Variants in FHOD3 observed in about 807,000 individuals in gnomAD.
FHOD3 encodes the protein formin homology 2 domain containing 3.
FHOD3 carries 90 observed loss-of-function variants against 173.0 expected under a neutral mutation model. That is an observed-to-expected ratio of 0.52 (90% CI 0.44 to 0.62). The LOEUF is 0.62. Ranked by LOEUF, FHOD3 falls within the 20% of genes least tolerant of loss-of-function variation. The pLI is 0.00. For missense variants in FHOD3, 1,945 were observed against 2,034.7 expected, an observed-to-expected ratio of 0.96 and a Z score of 0.85; for synonymous variants, 828 against 823.0, an observed-to-expected ratio of 1.01 and a Z score of -0.10.
At chr18:36,350,261 A>G (rs1413122016) in intron 1 of FHOD3, among the ~76,000 whole-genome samples, 1 of 152,144 alleles carries the variant, frequency 6.6e-6, no homozygotes, top group East Asian at 1.9e-4. Flanking sequence ...TTAGAAGGAC[A>G]CTTACTGTGG....
At chr18:36,614,262 TGTG>T (rs1412359202) in intron 9 of FHOD3, among the ~76,000 whole-genome samples, 1 of 152,206 alleles carries the variant, frequency 6.6e-6, no homozygotes, top group African/African-American at 2.4e-5. Context: ...CCATACAAAA[TGTG>T]GTCTTTGTGG....
rs138585180 is a variant in FHOD3, at chr18:36,693,245, C to G, written c.2058C>G (p.His686Gln). 1.9e-6 allele frequency: 3 copies of G among 1,613,630 alleles called. No individual in the cohort carries two copies. Among genetic ancestry groups the G allele is most frequent in the African/African-American group, 1.3e-5 (1 of 74,908 alleles). The change falls in exon 17 of 29, where the codon CAC (histidine) becomes CAG (glutamine). Residue 686 changes from histidine (H) to glutamine (Q), a missense_variant. Physicochemically the swap from His to Gln is conservative, Grantham distance 24 (BLOSUM62 0). Transcript: ENST00000590592. ...KYLEQLAAEEHEKELRSRSVS... is the reference protein window; with the variant it reads ...KYLEQLAAEEQEKELRSRSVS... ...TGGAACAGTTGGCAGCTGAGGAGCA[C>G]GAGAAGGAGCTGAGAAGCCGGAGTG...
intron 7 of FHOD3, among the ~76,000 whole-genome samples, chr18:36,596,186 G>A (rs1320669604): frequency 6.6e-6 from 1 of 151,880 alleles, no homozygotes; most frequent in Admixed American, 6.6e-5. Flanking sequence ...ACGGAGTCTT[G>A]CTCCGTCGCC....
intron 3 of FHOD3, among the ~76,000 whole-genome samples, chr18:36,446,031 G>GGCCCCTC (rs1177254206): frequency 6.6e-6 from 1 of 152,202 alleles, no homozygotes; most frequent in Non-Finnish European, 1.5e-5. Context: ...CCTGGCCCCT[G>GGCCCCTC]TCCTGGGTTA....
chr18:36,693,202 CT>C lies in FHOD3; in HGVS notation c.2022-4del. 6.2e-7 allele frequency: 1 copy of C among 1,610,934 alleles called. No homozygotes were observed. Among genetic ancestry groups the C allele is most frequent in the Non-Finnish European group, 8.5e-7 (1 of 1,178,660 alleles). ...TTGACGGAAACCCTTTGGAATTTAA[CT>C]TTCAGATACAAATACTTGGAACAGT... On this transcript the variant is annotated splice_region_variant and splice_polypyrimidine_tract_variant and intron_variant, in intron 16 of 28. Coordinates refer to ENST00000590592, the MANE Select transcript of FHOD3 (RefSeq NM_001281740.3).
At chr18:36,304,063 A>G (rs1218126933) in intron 1 of FHOD3, among the ~76,000 whole-genome samples, 2 of 152,212 alleles carry the variant, frequency 1.3e-5, no homozygotes, top group African/African-American at 2.4e-5. Context: ...ATGAAAAGAG[A>G]TTAAAGAGAT....
In FHOD3 at chr18:36,318,783, G is replaced by T. The variant is rs149174534; in HGVS notation, c.165+20783G>T. Among the ~76,000 whole-genome samples the T allele has an allele frequency of 8.4e-3, 1,275 of 152,278 alleles. 17 individuals carry two copies. Among genetic ancestry groups the T allele is most frequent in the African/African-American group, 0.029 (1,224 of 41,552 alleles). On this transcript the variant is annotated intron_variant, in intron 1 of 28. Transcript: ENST00000590592. Reference sequence around the variant, plus strand: ...TGTTGAATAGGAGTGGTGAGAGAGGGCATCCTTGTCTTGTGCCAGTTTTCA... The same window carrying T: ...TGTTGAATAGGAGTGGTGAGAGAGGTCATCCTTGTCTTGTGCCAGTTTTCA...
intron 24 of FHOD3, 85 bp from the exon 25 acceptor site, chr18:36,755,034 A>G: frequency 2.0e-6 from 1 of 502,392 alleles, no homozygotes; most frequent in Non-Finnish European, 3.2e-6. Context: ...AAGTTCTCAC[A>G]TTGGTTTCTT....
intron 28 of FHOD3, among the ~76,000 whole-genome samples, chr18:36,776,941 G>A (rs1475464077): frequency 6.6e-6 from 1 of 152,178 alleles, no homozygotes; most frequent in Non-Finnish European, 1.5e-5. Context: ...AGGTGACCGG[G>A]CCCTTATTCG....
At chr18:36,753,242 C>A (rs1468146227) in intron 24 of FHOD3, among the ~76,000 whole-genome samples, 4 of 152,230 alleles carry the variant, frequency 2.6e-5, no homozygotes, top group African/African-American at 7.2e-5. Context: ...GCTCTCAGTT[C>A]CTTGGCCTCT....
chr18:36,696,436 C>T (rs1011334274), intron 17 of FHOD3, among the ~76,000 whole-genome samples: 2 of 150,994 alleles, frequency 1.3e-5, no homozygotes, highest in Middle Eastern at 3.2e-3. Flanking sequence ...TTTTATAACT[C>T]CTGTTTCAGA....
chr18:36,715,501 C>T (rs2040400138), intron 18 of FHOD3, among the ~76,000 whole-genome samples: 1 of 152,182 alleles, frequency 6.6e-6, no homozygotes, highest in African/African-American at 2.4e-5. Flanking sequence ...CTAATACAAG[C>T]CCCAAAGAGG....
At chr18:36,523,992 T>C (rs1355597271) in intron 5 of FHOD3, among the ~76,000 whole-genome samples, 3 of 152,102 alleles carry the variant, frequency 2.0e-5, no homozygotes, top group Non-Finnish European at 2.9e-5. Context: ...TTAAGAGGCT[T>C]GTATTCGGCT....
In FHOD3 at chr18:36,587,563, G is replaced by A. The variant is rs551356526; in HGVS notation, c.607-7224G>A. Among the ~76,000 whole-genome samples the A allele has an allele frequency of 4.3e-4, 65 of 152,290 alleles. 1 individual carries two copies. Among genetic ancestry groups the A allele is most frequent in the East Asian group, 3.3e-3 (17 of 5,178 alleles). On this transcript the variant is annotated intron_variant, in intron 6 of 28. Coordinates refer to ENST00000590592, the MANE Select transcript of FHOD3 (RefSeq NM_001281740.3). ...TCCTAGCACTTTGGGAGGTTGAGGA[G>A]GGTGGATCATCTGAGGTCGGGAGTT...
At chr18:36,411,478 T>C (rs905205789) in intron 3 of FHOD3, among the ~76,000 whole-genome samples, 3 of 152,250 alleles carry the variant, frequency 2.0e-5, no homozygotes, top group African/African-American at 2.4e-5. Context: ...TATTTAACCA[T>C]TGAATTCTGG....
In FHOD3 at chr18:36,716,420, C is replaced by T. The variant is rs548462195; in HGVS notation, c.2534-1412C>T. On this transcript the variant is annotated intron_variant, in intron 18 of 28. Transcript: ENST00000590592. ...GAGGTTTTTGGAATTAGCAGCAAGA[C>T]GGATTAAGTTGCCGTAGCTGAGACA... Among the ~76,000 whole-genome samples the T allele has an allele frequency of 1.2e-3, 185 of 152,290 alleles. 1 individual carries two copies. The highest frequency in any genetic ancestry group is 2.5e-3 in the South Asian group (12 of 4,826).
chr18:36,527,614 C>T (rs1480716376), intron 5 of FHOD3, among the ~76,000 whole-genome samples: 1 of 152,158 alleles, frequency 6.6e-6, no homozygotes, highest in Non-Finnish European at 1.5e-5. Context: ...GTCTGAGACC[C>T]TGGGGTGCAA....
chr18:36,608,567 C>A (rs922133407), intron 8 of FHOD3, among the ~76,000 whole-genome samples: 5 of 152,178 alleles, frequency 3.3e-5, no homozygotes, highest in Admixed American at 6.5e-5. Flanking sequence ...TGAGTTTTAA[C>A]ATGTACATGG....
intron 2 of FHOD3, 133 bp from the exon 3 acceptor site, chr18:36,372,547 T>C (rs2047242417): frequency 1.6e-6 from 1 of 608,944 alleles, no homozygotes; most frequent in African/African-American, 1.8e-5. Context: ...GATAGATTCT[T>C]ATTCAGTGTG....
Sources: allele counts gnomAD v4.1 joint callset (sites outside exome capture counted in the v4.1 genomes callset), GRCh38; gene constraint gnomAD v4.1.1; transcripts MANE v1.5; gene names NCBI Gene and HGNC (gene_info 2026-07-23, HGNC 2026-07-21).